Variants in CSMD1 observed in about 807,000 individuals in gnomAD.
CSMD1 encodes the protein CUB and Sushi multiple domains 1, also known as CUB and sushi domain-containing protein 1.
Under a neutral mutation model 417.5 loss-of-function variants are expected in CSMD1, and 213 were observed. That is an observed-to-expected ratio of 0.51 (90% CI 0.46 to 0.57). CSMD1 has a LOEUF of 0.57. Ranked by LOEUF, CSMD1 falls within the 20% of genes least tolerant of loss-of-function variation. CSMD1 has a pLI of 0.00. For synonymous variants in CSMD1, 2,862 were observed against 1,736.8 expected, an observed-to-expected ratio of 1.65 and a Z score of -16.11; for missense variants, 6,923 against 4,529.7, an observed-to-expected ratio of 1.53 and a Z score of -15.17.
At chr8:3,797,830 C>G (rs1440035729) in intron 5 of CSMD1, among the ~76,000 whole-genome samples, 1 of 151,974 alleles carries the variant, frequency 6.6e-6, no homozygotes, top group East Asian at 1.9e-4. Flanking sequence ...TATAAAAGCA[C>G]TAACGATTGT....
chr8:3,553,732 G>C (rs1208552756), intron 10 of CSMD1, among the ~76,000 whole-genome samples: 1 of 152,172 alleles, frequency 6.6e-6, no homozygotes, highest in Non-Finnish European at 1.5e-5. Flanking sequence ...TAAAATATGT[G>C]AAGTAGACAT....
At chr8:4,538,870 G>C (rs1431821528) in intron 2 of CSMD1, among the ~76,000 whole-genome samples, 1 of 152,162 alleles carries the variant, frequency 6.6e-6, no homozygotes, top group Admixed American at 6.5e-5. Flanking sequence ...CAAATGTACA[G>C]TTCTTGCTTA....
At chr8:4,425,379 CAAAAAAA>C (rs3056571) in intron 2 of CSMD1, among the ~76,000 whole-genome samples, 18 of 128,828 alleles carry the variant, frequency 1.4e-4, no homozygotes, top group South Asian at 2.5e-4. Context: ...ATTTGTGTGC[CAAAAAAA>C]AAAAAAAAAA....
intron 3 of CSMD1, among the ~76,000 whole-genome samples, chr8:4,352,174 G>C (rs896627191): frequency 4.6e-5 from 7 of 152,118 alleles, no homozygotes; most frequent in African/African-American, 1.7e-4. Context: ...AGTCCACTTA[G>C]GTTCTCATTG....
intron 1 of CSMD1, among the ~76,000 whole-genome samples, chr8:4,660,599 T>C (rs896453017): frequency 6.6e-6 from 1 of 151,950 alleles, no homozygotes; most frequent in African/African-American, 2.4e-5. Context: ...AAAATCACAA[T>C]CTATAAAATA....
chr8:4,437,015 C>A (rs1490113044), intron 2 of CSMD1, among the ~76,000 whole-genome samples: 1 of 152,180 alleles, frequency 6.6e-6, no homozygotes, highest in African/African-American at 2.4e-5. Context: ...CTGATTCTCT[C>A]TATCCCTGAG....
chr8:3,178,727 G>A (rs752266168), intron 37 of CSMD1, among the ~76,000 whole-genome samples: 11 of 151,964 alleles, frequency 7.2e-5, no homozygotes, highest in African/African-American at 2.2e-4. Flanking sequence ...TAGAGTAAGC[G>A]TCTACTTTTT....
chr8:4,712,557 A>G (rs1808376910), intron 1 of CSMD1, among the ~76,000 whole-genome samples: 1 of 152,238 alleles, frequency 6.6e-6, no homozygotes, highest in Non-Finnish European at 1.5e-5. Context: ...TAAGTGAAAT[A>G]GAAGAGAACA....
chr8:4,820,119 C>A (rs1392543640), intron 1 of CSMD1, among the ~76,000 whole-genome samples: 2 of 152,138 alleles, frequency 1.3e-5, no homozygotes, highest in Non-Finnish European at 2.9e-5. Context: ...TGAGCTGGGA[C>A]AGAGGCTAGA....
At chr8:3,302,261 T>A (rs1050908563) in intron 25 of CSMD1, among the ~76,000 whole-genome samples, 1 of 152,170 alleles carries the variant, frequency 6.6e-6, no homozygotes, top group Non-Finnish European at 1.5e-5. Flanking sequence ...GCTTTTCAGA[T>A]CCTGAAATAA....
chr8:4,803,251 G>C (rs78527216), intron 1 of CSMD1, among the ~76,000 whole-genome samples: 2 of 152,004 alleles, frequency 1.3e-5, no homozygotes, highest in Non-Finnish European at 2.9e-5. Context: ...ATGGTTTATG[G>C]TTTACTGAGA....
intron 3 of CSMD1, among the ~76,000 whole-genome samples, chr8:4,180,194 T>A (rs574726194): frequency 2.0e-5 from 3 of 151,962 alleles, no homozygotes; most frequent in African/African-American, 4.8e-5. Context: ...CCAACAATGA[T>A]AGACTGGATT....
intron 26 of CSMD1, among the ~76,000 whole-genome samples, chr8:3,283,480 T>C (rs9314480): frequency 0.72 from 110,021 of 151,876 alleles, 40,786 homozygotes; most frequent in Admixed American, 0.83. Context: ...TTGCTGGTCC[T>C]GATCTTATAA....
At chr8:3,610,797 A>G (rs191521660) in intron 8 of CSMD1, among the ~76,000 whole-genome samples, 5 of 152,146 alleles carry the variant, frequency 3.3e-5, no homozygotes, top group African/African-American at 9.6e-5. Context: ...AGATGCCTGG[A>G]AAGGTGGAAT....
chr8:4,253,661 C>A (rs143833390), intron 3 of CSMD1, among the ~76,000 whole-genome samples: 1 of 152,010 alleles, frequency 6.6e-6, no homozygotes, highest in Admixed American at 6.5e-5. Context: ...GACACACAAT[C>A]GTTTGCAACA....
intron 1 of CSMD1, among the ~76,000 whole-genome samples, chr8:4,921,366 T>A (rs1806487787): frequency 6.6e-6 from 1 of 152,212 alleles, no homozygotes; most frequent in African/African-American, 2.4e-5. Context: ...TCCTAAGCTA[T>A]CTCAAAAATT....
intron 3 of CSMD1, among the ~76,000 whole-genome samples, chr8:4,268,303 A>C (rs544623075): frequency 1.3e-5 from 2 of 152,280 alleles, no homozygotes; most frequent in East Asian, 1.9e-4. Context: ...CTACAGCTAC[A>C]TATAAAACCA....
At chr8:3,990,220 T>C (rs2627379) in intron 5 of CSMD1, among the ~76,000 whole-genome samples, 30,999 of 152,234 alleles carry the variant, frequency 0.2, 3,357 homozygotes, top group South Asian at 0.28. Context: ...AGGTATTTCA[T>C]AGTTGATGAA....
chr8:4,366,050 CAG>C (rs1563098595), intron 3 of CSMD1, among the ~76,000 whole-genome samples: 1 of 152,070 alleles, frequency 6.6e-6, no homozygotes, highest in Non-Finnish European at 1.5e-5. Flanking sequence ...CAGTACCTGA[CAG>C]ATAGCCTTCC....
Sources: gnomAD v4.1 joint callset for allele counts (sites outside exome capture counted in the v4.1 genomes callset) on GRCh38, gnomAD v4.1.1 for gene constraint, MANE v1.5 for transcripts, NCBI Gene and HGNC (gene_info 2026-07-23, HGNC 2026-07-21) for gene names.